ABHD18: variants seen among roughly 807,000 people sequenced by gnomAD.
The protein encoded by ABHD18 is cardiolipin-specific deacylase, mitochondrial.
A neutral mutation model predicts 65.9 loss-of-function variants in ABHD18; 55 were observed. That is an observed-to-expected ratio of 0.84 (90% CI 0.67 to 1.05). ABHD18 has a LOEUF of 1.05. Ranked by LOEUF, ABHD18 falls within the 50% of genes least tolerant of loss-of-function variation. The probability of loss-of-function intolerance (pLI) is 0.00; values close to 1 mark genes in which losing one functional copy is unlikely to be tolerated. For synonymous variants in ABHD18, 181 were observed against 180.2 expected (o/e 1.00, Z -0.04); for missense variants, 533 against 558.5 (o/e 0.95, Z 0.46).
At chr4:128,012,838 G>A (rs1754802623) in intron 7 of ABHD18, among the ~76,000 whole-genome samples, 1 of 151,960 alleles carries the variant, frequency 6.6e-6, no homozygotes, top group Non-Finnish European at 1.5e-5. Context: ...GGCCAAGGTG[G>A]GTGGATCACT....
chr4:128,022,926 A>G (rs1396729053), intron 10 of ABHD18, among the ~76,000 whole-genome samples: 2 of 151,974 alleles, frequency 1.3e-5, no homozygotes, highest in Non-Finnish European at 2.9e-5. Context: ...ACGCGCCACT[A>G]TGCTTAGCTA....
intron 10 of ABHD18, among the ~76,000 whole-genome samples, chr4:128,021,833 C>A (rs1756546428): frequency 6.6e-6 from 1 of 152,078 alleles, no homozygotes; most frequent in Non-Finnish European, 1.5e-5. Flanking sequence ...AATCACAAGG[C>A]CTTCCTCCCT....
chr4:127,988,468 G>A (rs543302311), intron 3 of ABHD18, among the ~76,000 whole-genome samples: 90 of 152,280 alleles, frequency 5.9e-4, no homozygotes, highest in African/African-American at 2.0e-3. Flanking sequence ...CTGGGCTCGA[G>A]AGATCTGCCC....
intron 1 of ABHD18, among the ~76,000 whole-genome samples, chr4:127,981,977 G>C (rs1479355167): frequency 6.6e-6 from 1 of 152,130 alleles, no homozygotes; most frequent in African/African-American, 2.4e-5. Context: ...CAACTTAAAT[G>C]CCAGCCCAAT....
intron 1 of ABHD18, among the ~76,000 whole-genome samples, chr4:127,972,969 C>T (rs1371786548): frequency 1.3e-5 from 2 of 151,982 alleles, no homozygotes; most frequent in African/African-American, 2.4e-5. Flanking sequence ...AATATATAAA[C>T]ATGATTTAGA....
At chr4:128,002,366 G>A (rs1470450479) in intron 4 of ABHD18, among the ~76,000 whole-genome samples, 2 of 150,224 alleles carry the variant, frequency 1.3e-5, no homozygotes, top group Admixed American at 1.3e-4. Flanking sequence ...TGCAACCTCT[G>A]CCTCCTGGAG....
At chr4:127,967,243 A>G (rs903321790) in intron 1 of ABHD18, among the ~76,000 whole-genome samples, 13 of 151,848 alleles carry the variant, frequency 8.6e-5, no homozygotes, top group South Asian at 6.2e-4. Context: ...CCTTACAACA[A>G]TCCTCTGAGG....
intron 4 of ABHD18, among the ~76,000 whole-genome samples, chr4:127,994,587 CA>C (rs1751441150): frequency 6.6e-6 from 1 of 151,748 alleles, no homozygotes; most frequent in Non-Finnish European, 1.5e-5. Flanking sequence ...AATTCCGTCT[CA>C]AAACAAACAA....
At chr4:128,017,531 A>C (rs778912248) in intron 8 of ABHD18, 30 bp downstream of exon 8, 1 of 1,560,014 alleles carries the variant, frequency 6.4e-7, no homozygotes, top group East Asian at 2.3e-5. Flanking sequence ...CTTACATTTA[A>C]TTATGTTTAT....
At chr4:127,988,368 C>T (rs928796310) in intron 3 of ABHD18, among the ~76,000 whole-genome samples, 1 of 152,048 alleles carries the variant, frequency 6.6e-6, no homozygotes, top group African/African-American at 2.4e-5. Context: ...GTAGCTGGGA[C>T]CACAACCACA....
chr4:128,002,143 C>A (rs1446913502), intron 4 of ABHD18, among the ~76,000 whole-genome samples: 2 of 151,512 alleles, frequency 1.3e-5, no homozygotes, highest in East Asian at 4.0e-4. Flanking sequence ...GGCGTGGTGG[C>A]AGGCACCTGT....
At chr4:128,002,027 C>A (rs372142590) in intron 4 of ABHD18, among the ~76,000 whole-genome samples, 15 of 152,212 alleles carry the variant, frequency 9.9e-5, no homozygotes, top group African/African-American at 3.4e-4. Flanking sequence ...GTAATCCCAG[C>A]ACTTTGGGAG....
intron 3 of ABHD18, among the ~76,000 whole-genome samples, chr4:127,985,596 A>G (rs918195263): frequency 1.3e-5 from 2 of 152,154 alleles, no homozygotes; most frequent in African/African-American, 4.8e-5. Context: ...AAAAAAATTT[A>G]AAACATACCA....
chr4:128,023,885 A>C (rs951743505), intron 10 of ABHD18, among the ~76,000 whole-genome samples: 1 of 152,230 alleles, frequency 6.6e-6, no homozygotes, highest in Non-Finnish European at 1.5e-5. Context: ...CTCCGTCTCA[A>C]AAAAACAAAA....
At chr4:127,980,788 TG>T (rs1748888186) in intron 1 of ABHD18, among the ~76,000 whole-genome samples, 1 of 130,422 alleles carries the variant, frequency 7.7e-6, no homozygotes, top group Admixed American at 9.3e-5. Context: ...ATCGCACCAC[TG>T]CGCTCCAGCC....
At chr4:127,980,825 CAAAAA>C (rs768450115) in intron 1 of ABHD18, among the ~76,000 whole-genome samples, 1 of 46,554 alleles carries the variant, frequency 2.1e-5, no homozygotes, top group African/African-American at 6.3e-5. Flanking sequence ...GACTGCATCT[CAAAAA>C]AAAAAAAAAA....
intron 4 of ABHD18, among the ~76,000 whole-genome samples, chr4:127,996,801 A>G (rs1751811607): frequency 6.6e-6 from 1 of 152,170 alleles, no homozygotes; most frequent in African/African-American, 2.4e-5. Flanking sequence ...CTGGGAAAAG[A>G]ATTCAGCGAT....
intron 8 of ABHD18, among the ~76,000 whole-genome samples, chr4:128,019,013 CAAAA>C (rs370222831): frequency 5.1e-5 from 3 of 58,352 alleles, no homozygotes. Context: ...GACTACATCT[CAAAA>C]AAAAAAAAAA....
At chr4:127,980,055 G>A (rs1026384335) in intron 1 of ABHD18, among the ~76,000 whole-genome samples, 1 of 152,020 alleles carries the variant, frequency 6.6e-6, no homozygotes, top group African/African-American at 2.4e-5. Context: ...TAAAAAGTAT[G>A]TGCAGTGGCT....
Sources: gnomAD v4.1 joint callset for allele counts (sites outside exome capture counted in the v4.1 genomes callset) on GRCh38, gnomAD v4.1.1 for gene constraint, MANE v1.5 for transcripts, NCBI Gene and HGNC (gene_info 2026-07-23, HGNC 2026-07-21) for gene names.